The following SHISA6 variants were observed in gnomAD, a reference collection of about 807,000 sequenced individuals.
SHISA6 encodes shisa family member 6.
A neutral mutation model predicts 47.9 loss-of-function variants in SHISA6; 22 were observed. The ratio of observed to expected loss-of-function variants is 0.46; its 90% CI spans 0.33 to 0.66. The LOEUF is 0.66. SHISA6 is among the 30% of genes least tolerant of loss of function. The pLI is 0.02. For missense variants in SHISA6, 680 were observed against 764.6 expected (o/e 0.89, Z 1.30); for synonymous variants, 388 against 337.8 (o/e 1.15, Z -1.63).
In SHISA6 at chr17:11,555,819, G is replaced by A; in HGVS notation, c.1032G>A (p.Leu344=). 1.9e-6 allele frequency: 3 copies of A among 1,551,060 alleles called. No individual in the cohort carries two copies. The highest frequency in any genetic ancestry group is 2.6e-6 in the Non-Finnish European group (3 of 1,146,724). Residue 344 remains leucine, a synonymous_variant, in exon 5 of 6, where the codon TTG becomes TTA. Transcript: ENST00000441885. ...CCTTCTCCCGCTCGTTCCAGAACTT[G>A]GCCCACCTGCCCCCATCCTACGAGT... ...DLSFSRSFQN[L]AHLPPSYESA...
chr17:11,247,235 G>T (rs1278382325), intron 1 of SHISA6, among the ~76,000 whole-genome samples: 3 of 152,210 alleles, frequency 2.0e-5, no homozygotes, highest in Admixed American at 1.3e-4. Context: ...TAATTCACTA[G>T]CTCCAGACGG....
In SHISA6 at chr17:11,408,141, T is replaced by C. The variant is rs375952526; in HGVS notation, c.895+28632T>C. Among the ~76,000 whole-genome samples the C allele has an allele frequency of 7.9e-5, 12 of 152,340 alleles. 1 individual carries two copies. The East Asian group carries it at 9.6e-4, about 12-fold the overall frequency. ...ATTGCTAAGGAGAAGTAGAGCAGAC[T>C]GTACTTCTTCGAAAAAAAGTTAGCA... is the stretch of plus-strand genomic sequence containing the variant. On this transcript the variant is annotated intron_variant, in intron 3 of 5. Transcript: ENST00000441885.
intron 2 of SHISA6, among the ~76,000 whole-genome samples, chr17:11,360,798 TA>T (rs367867682): frequency 0.09 from 12,392 of 137,236 alleles, 546 homozygotes; most frequent in Non-Finnish European, 0.12. Flanking sequence ...AAAGTAAAAT[TA>T]AAAAAAAAAA....
chr17:11,492,261 G>A lies in SHISA6; in HGVS notation c.896-59635G>A, dbSNP rs369243508. Among the ~76,000 whole-genome samples the A allele has an allele frequency of 9.9e-5, 15 of 152,228 alleles. No homozygotes were observed. In the South Asian group the frequency reaches 2.7e-3, roughly 27 times the overall value. Reference sequence around the variant, plus strand: ...GAGGGTACAGGCTCCAAAATATTCAGCCTCTTAGTGTTCAATCTAGGCTCA... The same window carrying A: ...GAGGGTACAGGCTCCAAAATATTCAACCTCTTAGTGTTCAATCTAGGCTCA... On this transcript the variant is annotated intron_variant, in intron 3 of 5. Coordinates refer to ENST00000441885, the MANE Select transcript of SHISA6 (RefSeq NM_207386.4).
chr17:11,257,993 A>G lies in SHISA6; in HGVS notation c.639-5373A>G, dbSNP rs115093636. ...ATGGCCCTCTTGTGAAGAACCTTGA[A>G]TTTTATAAAAAAATTAATTATATTC... On this transcript the variant is annotated intron_variant, in intron 1 of 5. Transcript: ENST00000441885. Among the ~76,000 whole-genome samples the G allele has an allele frequency of 6.0e-3, 916 of 152,346 alleles. 7 individuals carry two copies. Among genetic ancestry groups the G allele is most frequent in the African/African-American group, 0.021 (870 of 41,578 alleles).
intron 3 of SHISA6, among the ~76,000 whole-genome samples, chr17:11,442,188 G>T (rs913529292): frequency 3.3e-5 from 5 of 152,222 alleles, no homozygotes; most frequent in Admixed American, 6.5e-5. Flanking sequence ...TAGTATGGTT[G>T]TCCCTGTTTT....
At chr17:11,299,362 G>A (rs1909848201) in intron 2 of SHISA6, among the ~76,000 whole-genome samples, 2 of 151,686 alleles carry the variant, frequency 1.3e-5, no homozygotes, top group South Asian at 2.1e-4. Flanking sequence ...ACTATTTCTG[G>A]TGTTTTTTTT....
intron 2 of SHISA6, among the ~76,000 whole-genome samples, chr17:11,265,793 G>A (rs1908403951): frequency 1.3e-5 from 2 of 152,088 alleles, no homozygotes; most frequent in South Asian, 4.2e-4. Context: ...CTGATTAGGT[G>A]GACAGTCTGG....
intron 3 of SHISA6, among the ~76,000 whole-genome samples, chr17:11,531,753 C>T (rs1169069643): frequency 1.3e-5 from 2 of 152,148 alleles, no homozygotes; most frequent in African/African-American, 2.4e-5. Flanking sequence ...GAGGAATAAG[C>T]TTTAGTGATC....
chr17:11,443,629 G>C (rs1915152191), intron 3 of SHISA6, among the ~76,000 whole-genome samples: 1 of 152,086 alleles, frequency 6.6e-6, no homozygotes, highest in Non-Finnish European at 1.5e-5. Flanking sequence ...TCTACTTTAT[G>C]GTGCTATCAT....
chr17:11,521,853 C>T (rs967594607), intron 3 of SHISA6, among the ~76,000 whole-genome samples: 1 of 152,090 alleles, frequency 6.6e-6, no homozygotes, highest in Non-Finnish European at 1.5e-5. Context: ...CTCAGCTTAT[C>T]TTTTCTCTCT....
At chr17:11,474,755 G>C (rs150303607) in intron 3 of SHISA6, among the ~76,000 whole-genome samples, 47 of 152,222 alleles carry the variant, frequency 3.1e-4, no homozygotes, top group African/African-American at 9.1e-4. Context: ...TATAGTTAAA[G>C]TCTTGAAGTT....
intron 2 of SHISA6, among the ~76,000 whole-genome samples, chr17:11,306,601 A>C (rs1274208676): frequency 6.6e-6 from 1 of 152,070 alleles, no homozygotes; most frequent in Non-Finnish European, 1.5e-5. Context: ...CGCCCTTTGG[A>C]GTCTGAAAAC....
At chr17:11,476,705 A>G (rs997408610) in intron 3 of SHISA6, among the ~76,000 whole-genome samples, 2 of 151,958 alleles carry the variant, frequency 1.3e-5, no homozygotes, top group African/African-American at 4.8e-5. Flanking sequence ...TGAGTGCTCC[A>G]TGTGAACTTG....
chr17:11,241,689 C>T lies in SHISA6; in HGVS notation c.267C>T (p.Val89=). 1.3e-6 allele frequency: 2 copies of T among 1,507,282 alleles called. No individual in the cohort carries two copies. The highest frequency in any genetic ancestry group is 1.4e-5 in the African/African-American group (1 of 70,566). The allele number at this position is 1,507,282 out of a possible 1,614,324, so 93.4% of individuals were successfully genotyped here. ...TGGCGGCGGCGGCCAGCGCGGCCGT[C>T]ACCTACGAGACGTGCTGGGGCTACT... ...AAVAAAASAA[V]TYETCWGYYD... Residue 89 remains valine (V), a synonymous_variant, in exon 1 of 6, where the codon GTC becomes GTT. Transcript: ENST00000441885. The surrounding 1 kb of genome is among the most constrained non-coding windows in gnomAD (Gnocchi z 5.5).
chr17:11,539,743 T>C (rs1419479447), intron 3 of SHISA6, among the ~76,000 whole-genome samples: 1 of 152,198 alleles, frequency 6.6e-6, no homozygotes, highest in African/African-American at 2.4e-5. Context: ...TTTTGTCACT[T>C]TGTGGTCTTG....
At chr17:11,305,063 ACTT>A in intron 2 of SHISA6, among the ~76,000 whole-genome samples, 1 of 152,294 alleles carries the variant, frequency 6.6e-6, no homozygotes, top group East Asian at 1.9e-4. Context: ...CTTTTGAGGC[ACTT>A]CTTCATGCGT....
chr17:11,252,566 A>C (rs1006752328), intron 1 of SHISA6, among the ~76,000 whole-genome samples: 1 of 152,130 alleles, frequency 6.6e-6, no homozygotes, highest in Non-Finnish European at 1.5e-5. Flanking sequence ...CTCCTTTCTA[A>C]GGTCCTGAGA....
intron 3 of SHISA6, among the ~76,000 whole-genome samples, chr17:11,461,249 T>A (rs1053968276): frequency 3.3e-5 from 5 of 151,978 alleles, no homozygotes; most frequent in African/African-American, 1.2e-4. Flanking sequence ...TGCAAAAAAT[T>A]AGCTGGGCAT....
Sources: allele counts gnomAD v4.1 joint callset (sites outside exome capture counted in the v4.1 genomes callset), GRCh38; gene constraint gnomAD v4.1.1; non-coding constraint Gnocchi (gnomAD v3.1); transcripts MANE v1.5; gene names NCBI Gene and HGNC (gene_info 2026-07-23, HGNC 2026-07-21).